Variants in SLC25A48 observed in about 807,000 individuals in gnomAD.
The protein encoded by SLC25A48 is solute carrier family 25 member 48, also known as CTC-321K16.1.
Under a neutral mutation model 32.2 loss-of-function variants are expected in SLC25A48, and 29 were observed. The ratio of observed to expected loss-of-function variants is 0.90; its 90% confidence interval spans 0.67 to 1.23. The LOEUF (loss-of-function observed/expected upper bound fraction) is 1.23, where lower values mean the gene tolerates loss of function less well. SLC25A48 is among the 50% of genes most tolerant of loss of function. The pLI is 0.00. For synonymous variants in SLC25A48, 164 were observed against 172.3 expected, an observed-to-expected ratio of 0.95 and a Z score of 0.38; for missense variants, 399 against 422.7, an observed-to-expected ratio of 0.94 and a Z score of 0.49.
chr5:135,620,693 C>T (rs1752306794), intron 1 of SLC25A48, among the ~76,000 whole-genome samples: 1 of 152,092 alleles, frequency 6.6e-6, no homozygotes. Flanking sequence ...GGACAGGACA[C>T]AGTCTAGTGG....
intron 4 of SLC25A48, among the ~76,000 whole-genome samples, chr5:135,867,702 T>C (rs1403761873): frequency 6.6e-6 from 1 of 152,248 alleles, no homozygotes; most frequent in Non-Finnish European, 1.5e-5. Flanking sequence ...TGCATCATCA[T>C]GTTAGGTTTG....
intron 7 of SLC25A48, among the ~76,000 whole-genome samples, chr5:135,887,567 T>G (rs374875353): frequency 2.0e-5 from 3 of 151,704 alleles, no homozygotes; most frequent in Non-Finnish European, 4.4e-5. Context: ...GCAGTAGAGG[T>G]CAACTAAACC....
chr5:135,881,898 C>T (rs1581069707), intron 7 of SLC25A48, among the ~76,000 whole-genome samples: 1 of 152,206 alleles, frequency 6.6e-6, no homozygotes, highest in Non-Finnish European at 1.5e-5. Context: ...TTTCCCATGT[C>T]ATGAAATCTT....
At chr5:135,757,398 C>T (rs1220670668) in intron 3 of SLC25A48, among the ~76,000 whole-genome samples, 2 of 149,096 alleles carry the variant, frequency 1.3e-5, no homozygotes, top group Non-Finnish European at 3.0e-5. Flanking sequence ...TTTATAATGT[C>T]TACTGTTAAC....
At chr5:135,867,702 T>G (rs1403761873) in intron 4 of SLC25A48, among the ~76,000 whole-genome samples, 1 of 152,248 alleles carries the variant, frequency 6.6e-6, no homozygotes, top group Non-Finnish European at 1.5e-5. Flanking sequence ...TGCATCATCA[T>G]GTTAGGTTTG....
rs531880305 is a variant in SLC25A48 at position 135,772,157 on chromosome 5, C to T, written c.-520-40366C>T. Among the ~76,000 whole-genome samples, 6 of 151,334 alleles carry T rather than the reference C, an allele frequency of 4.0e-5. No homozygotes were observed. In the South Asian group the frequency reaches 6.3e-4, roughly 16 times the overall value. On this transcript the variant is annotated intron_variant, in intron 3 of 10. Transcript: ENST00000646290. ...CCCAGTATCACAGGGTGTGTAAACT[C>T]GCTTGTGATATTGTTCGTAATACCC...
chr5:135,661,075 G>A (rs138014190), intron 3 of SLC25A48, among the ~76,000 whole-genome samples: 22 of 152,356 alleles, frequency 1.4e-4, no homozygotes, highest in African/African-American at 5.3e-4. Flanking sequence ...AGCCCTAAAG[G>A]AAATGGGTGA....
rs1759135163 is a variant in SLC25A48, at chr5:135,843,063, C to T, written c.90+604C>T. 2.0e-5 allele frequency among the ~76,000 whole-genome samples: 3 copies of T among 152,202 alleles called. No individual in the cohort carries two copies. In the South Asian group the frequency reaches 6.2e-4, roughly 31 times the overall value. The stretch of plus-strand genomic sequence containing the variant: ...AATGTCCTTTCTCCCCATCTTGCTC[C>T]CTGTATGAAAATGGACCCTCTCCTA... On this transcript the variant is annotated intron_variant, in intron 2 of 7. Transcript: ENST00000681962.
At chr5:135,884,995 G>C (rs7700493) in intron 7 of SLC25A48, among the ~76,000 whole-genome samples, 2 of 152,044 alleles carry the variant, frequency 1.3e-5, no homozygotes, top group East Asian at 3.9e-4. Flanking sequence ...CAACATACCT[G>C]AGCCCCAGCT....
intron 6 of SLC25A48, among the ~76,000 whole-genome samples, chr5:135,877,127 A>T (rs985125562): frequency 2.0e-5 from 3 of 152,172 alleles, no homozygotes; most frequent in African/African-American, 7.2e-5. Flanking sequence ...TGGTGGGGAA[A>T]ATCAAAAGTC....
At chr5:135,758,571 TATC>T (rs1755979649) in intron 3 of SLC25A48, among the ~76,000 whole-genome samples, 1 of 150,768 alleles carries the variant, frequency 6.6e-6, no homozygotes, top group African/African-American at 2.4e-5. Flanking sequence ...ATTAATAGAA[TATC>T]ATGTATTTGA....
chr5:135,800,222 C>G (rs2126641628), intron 3 of SLC25A48, among the ~76,000 whole-genome samples: 1 of 151,788 alleles, frequency 6.6e-6, no homozygotes, highest in Non-Finnish European at 1.5e-5. Flanking sequence ...GAGAGTACAC[C>G]CCGCCCAGTG....
chr5:135,773,310 T>C (rs749540253), intron 3 of SLC25A48, among the ~76,000 whole-genome samples: 4 of 151,592 alleles, frequency 2.6e-5, no homozygotes, highest in African/African-American at 4.8e-5. Flanking sequence ...CCTGTGGATA[T>C]TAAGAAAAAT....
At chr5:135,610,950 A>G (rs1028511982) in intron 1 of SLC25A48, among the ~76,000 whole-genome samples, 1 of 152,218 alleles carries the variant, frequency 6.6e-6, no homozygotes, top group Non-Finnish European at 1.5e-5. Context: ...TGACAGCCTA[A>G]TAACATAGAA....
At chr5:135,746,996 TG>T (rs1484980809) in intron 3 of SLC25A48, among the ~76,000 whole-genome samples, 13 of 114,816 alleles carry the variant, frequency 1.1e-4, no homozygotes, top group African/African-American at 1.5e-4. Context: ...TATTTTTTGT[TG>T]TTGTTTTTTT....
rs561367526 is a variant in SLC25A48, at chr5:135,828,111, G to A, written c.-116-14305G>A. 7.2e-5 allele frequency among the ~76,000 whole-genome samples: 11 copies of A among 152,220 alleles called. No individual in the cohort carries two copies. In the East Asian group the frequency reaches 1.3e-3, roughly 19 times the overall value. On this transcript the variant is annotated intron_variant, in intron 4 of 10. Transcript: ENST00000646290. ...CCTGCTCATGGGGATGAAGAGACCCGCCAGAGGTTTCCCATGCTGCAGAGC... is the reference window on the plus strand; with the variant it reads ...CCTGCTCATGGGGATGAAGAGACCCACCAGAGGTTTCCCATGCTGCAGAGC...
chr5:135,762,456 G>T lies in SLC25A48; in HGVS notation c.-520-50067G>T, dbSNP rs75424150. Among the ~76,000 whole-genome samples, 722 of 152,270 alleles carry T rather than the reference G, an allele frequency of 4.7e-3. 1 individual carries two copies. The highest frequency in any genetic ancestry group is 7.1e-3 in the Non-Finnish European group (484 of 68,022). On this transcript the variant is annotated intron_variant, in intron 3 of 10. Transcript: ENST00000646290. Reference sequence around the variant, plus strand: ...ATTTTGTATTTTGAACCACGCTAATGTATTACTAATTCCAAATATTGATCT... The same window carrying T: ...ATTTTGTATTTTGAACCACGCTAATTTATTACTAATTCCAAATATTGATCT...
chr5:135,588,708 G>A (rs1306807359), intron 1 of SLC25A48, among the ~76,000 whole-genome samples: 1 of 152,152 alleles, frequency 6.6e-6, no homozygotes, highest in African/African-American at 2.4e-5. Context: ...GACCCGCAGG[G>A]ACAGGGCAGC....
intron 4 of SLC25A48, among the ~76,000 whole-genome samples, chr5:135,820,558 A>C (rs1233282376): frequency 6.6e-6 from 1 of 152,234 alleles, no homozygotes; most frequent in African/African-American, 2.4e-5. Flanking sequence ...CATGAATTAA[A>C]TTTATATAAA....
Sources: gnomAD v4.1 joint callset for allele counts (sites outside exome capture counted in the v4.1 genomes callset) on GRCh38, gnomAD v4.1.1 for gene constraint, MANE v1.5 for transcripts, NCBI Gene and HGNC (gene_info 2026-07-23, HGNC 2026-07-21) for gene names.